ADD3: variants seen among roughly 807,000 people sequenced by gnomAD.
The protein encoded by ADD3 is adducin 3, also known as gamma-adducin.
ADD3 carries 25 observed loss-of-function variants against 80.2 expected under a neutral mutation model. That is an observed-to-expected ratio of 0.31 (90% CI 0.23 to 0.44). The LOEUF (loss-of-function observed/expected upper bound fraction) is 0.44, where lower values mean the gene tolerates loss of function less well. Ranked by LOEUF, ADD3 falls within the 20% of genes least tolerant of loss-of-function variation. The pLI, the probability that ADD3 is intolerant of heterozygous loss-of-function variation, is 1.00. For missense variants in ADD3, 829 were observed against 847.5 expected (o/e 0.98, Z 0.27); for synonymous variants, 284 against 289.6 (o/e 0.98, Z 0.20).
chr10:110,115,518 G>A (rs1267466839), intron 3 of ADD3, among the ~76,000 whole-genome samples: 3 of 152,180 alleles, frequency 2.0e-5, no homozygotes, highest in Admixed American at 2.0e-4. Flanking sequence ...TTTTTGTAGG[G>A]AAAAGTAAAA....
Position 110,133,841 on chromosome 10 carries a change from T to C in ADD3, c.*223T>C, listed in dbSNP as rs1009356775. On this transcript the variant is annotated 3_prime_UTR_variant, in exon 15 of 15. Transcript: ENST00000356080. ...AATTTTAAGCAATTACTAGTTTTAA[T>C]TAGCTCTGCCCTCATGAAGTATTAT... is the stretch of plus-strand genomic sequence containing the variant. 2.6e-6 allele frequency: 1 copy of C among 386,090 alleles called. No homozygotes were observed. Among genetic ancestry groups the C allele is most frequent in the African/African-American group, 2.1e-5 (1 of 48,122 alleles). 23.9% of individuals were successfully genotyped at this position (386,090 alleles called of 1,614,324 possible). A position where few individuals can be genotyped will look rare whatever the true frequency, so the allele number is the denominator to read the frequency against.
At chr10:110,032,684 C>A (rs749433767) in intron 1 of ADD3, among the ~76,000 whole-genome samples, 4 of 152,074 alleles carry the variant, frequency 2.6e-5, no homozygotes, top group Non-Finnish European at 5.9e-5. Flanking sequence ...AAGTGTGTAA[C>A]CTTATGAAAG....
chr10:110,081,618 TGTG>T (rs1349498465), intron 1 of ADD3, among the ~76,000 whole-genome samples: 12 of 152,226 alleles, frequency 7.9e-5, no homozygotes, highest in Admixed American at 3.3e-4. Context: ...TAAGTAATGC[TGTG>T]GTGCTTGGAC....
At chr10:110,057,723 C>A (rs369441528) in intron 1 of ADD3, among the ~76,000 whole-genome samples, 1 of 152,088 alleles carries the variant, frequency 6.6e-6, no homozygotes, top group East Asian at 1.9e-4. Context: ...CCACTGAGAC[C>A]CCAGCATGTA....
upstream of ADD3, among the ~76,000 whole-genome samples, chr10:110,001,241 C>T (rs1851478286): frequency 2.0e-5 from 3 of 151,856 alleles, no homozygotes; most frequent in South Asian, 6.2e-4. Context: ...ATGGCAAAAC[C>T]CCGTCTCTAC....
At chr10:110,007,293 C>G (rs949246038), upstream of ADD3, among the ~76,000 whole-genome samples, 3 of 152,154 alleles carry the variant, frequency 2.0e-5, no homozygotes, top group Non-Finnish European at 4.4e-5. Context: ...CTGTCCTCCC[C>G]CTATGTGGAG....
chr10:110,023,686 A>G (rs1351492374), intron 1 of ADD3, among the ~76,000 whole-genome samples: 2 of 152,218 alleles, frequency 1.3e-5, no homozygotes, highest in African/African-American at 2.4e-5. Context: ...AAACATAAAC[A>G]TTTTAGAAAC....
At chr10:110,114,321 CTA>C (rs1850424864) in intron 3 of ADD3, among the ~76,000 whole-genome samples, 1 of 152,192 alleles carries the variant, frequency 6.6e-6, no homozygotes, top group African/African-American at 2.4e-5. Flanking sequence ...TGTATTAAAA[CTA>C]TTCAGATTAC....
At chr10:110,035,045 G>T (rs1423614360) in intron 1 of ADD3, among the ~76,000 whole-genome samples, 1 of 152,170 alleles carries the variant, frequency 6.6e-6, no homozygotes. Context: ...GCATTTGGAA[G>T]ACCATGTTTG....
chr10:110,013,324 A>G (rs1852546934), intron 1 of ADD3, among the ~76,000 whole-genome samples: 1 of 152,108 alleles, frequency 6.6e-6, no homozygotes, highest in Admixed American at 6.5e-5. Flanking sequence ...GCTGGTCTTG[A>G]ACTCCTGACC....
chr10:110,071,842 G>C (rs546729870), intron 1 of ADD3, among the ~76,000 whole-genome samples: 1 of 152,092 alleles, frequency 6.6e-6, no homozygotes, highest in African/African-American at 2.4e-5. Flanking sequence ...TTCAACCTCA[G>C]CTTTAATAAG....
chr10:110,052,186 T>C (rs991620817), intron 1 of ADD3, among the ~76,000 whole-genome samples: 1 of 152,236 alleles, frequency 6.6e-6, no homozygotes. Context: ...TAATTTTCTT[T>C]TATAGAGGGA....
At chr10:110,106,693 T>A (rs1849429637) in intron 2 of ADD3, among the ~76,000 whole-genome samples, 1 of 152,120 alleles carries the variant, frequency 6.6e-6, no homozygotes, top group African/African-American at 2.4e-5. Flanking sequence ...GTCTCTAACT[T>A]AAACATTTTG....
At chr10:110,031,066 G>T (rs751489671) in intron 1 of ADD3, among the ~76,000 whole-genome samples, 1 of 152,138 alleles carries the variant, frequency 6.6e-6, no homozygotes. Flanking sequence ...ACCTGAGGTC[G>T]GGAGTTCGAG....
rs1164457297 is a variant in ADD3, at chr10:110,124,243, A to G, written c.1370A>G (p.Asn457Ser). 6.2e-7 allele frequency: 1 copy of G among 1,614,226 alleles called. No individual in the cohort carries two copies. The highest frequency in any genetic ancestry group is 1.1e-5 in the South Asian group (1 of 91,088). The change falls in exon 10 of 15, where the codon AAC becomes AGC. Residue 457 changes from asparagine to serine, a missense_variant. By Grantham distance (46) the Asn-to-Ser change is conservative. Coordinates refer to ENST00000356080, the MANE Select transcript of ADD3 (RefSeq NM_016824.5). ...MKVNVPEESR[N>S]GETSPRTKIT... is the part of the protein sequence containing the mutation. The stretch of plus-strand genomic sequence containing the variant: ...GTGAATGTGCCTGAGGAGTCTCGGA[A>G]CGGAGAAACCAGTCCCCGAACCAAA...
intron 1 of ADD3, among the ~76,000 whole-genome samples, chr10:110,068,905 C>T (rs1170391750): frequency 1.3e-5 from 2 of 151,900 alleles, no homozygotes; most frequent in East Asian, 1.9e-4. Flanking sequence ...GGTGAGACCT[C>T]GTCTCTGCAA....
chr10:110,092,993 G>T (rs1235610833), intron 1 of ADD3, among the ~76,000 whole-genome samples: 1 of 152,034 alleles, frequency 6.6e-6, no homozygotes, highest in Non-Finnish European at 1.5e-5. Flanking sequence ...TGAGTAGCTA[G>T]GATTACAGAC....
intron 1 of ADD3, among the ~76,000 whole-genome samples, chr10:110,053,659 T>TAATTTAA (rs1175954787): frequency 2.6e-5 from 4 of 152,176 alleles, no homozygotes; most frequent in Non-Finnish European, 5.9e-5. Flanking sequence ...AGTCTTAATT[T>TAATTTAA]TCACTGTGAA....
intron 1 of ADD3, among the ~76,000 whole-genome samples, chr10:110,079,455 A>AGTGTGT (rs1319040873): frequency 4.0e-5 from 5 of 125,488 alleles, no homozygotes; most frequent in African/African-American, 1.8e-4. Flanking sequence ...AGAGAGAGAG[A>AGTGTGT]GAGAGAGTGT....
Sources: allele counts gnomAD v4.1 joint callset (sites outside exome capture counted in the v4.1 genomes callset), GRCh38; gene constraint gnomAD v4.1.1; transcripts MANE v1.5; gene names NCBI Gene and HGNC (gene_info 2026-07-23, HGNC 2026-07-21).